The following TSPAN6 variants were observed in gnomAD, a reference collection of about 807,000 sequenced individuals.
TSPAN6 encodes the protein tetraspanin-6.
A neutral mutation model predicts 18.0 loss-of-function variants in TSPAN6; 13 were observed. The observed-to-expected ratio is 0.72, with a 90% confidence interval of 0.47 to 1.15. TSPAN6 has a LOEUF of 1.15. Among genes scored for constraint, TSPAN6 ranks in the 50% most tolerant of loss-of-function variants. The pLI, the probability that TSPAN6 is intolerant of heterozygous loss-of-function variation, is 0.00. For missense variants in TSPAN6, 186 were observed against 183.9 expected, an observed-to-expected ratio of 1.01 and a Z score of -0.07; for synonymous variants, 82 against 67.0, an observed-to-expected ratio of 1.22 and a Z score of -1.09.
chrX:100,630,139 T>A (rs1006551577), intron 7 of TSPAN6, among the ~76,000 whole-genome samples, 153 bp from the exon 8 acceptor site: 3 of 112,167 alleles, frequency 2.7e-5, no homozygotes, highest in African/African-American at 9.7e-5. Context: ...GCCCTAGGGA[T>A]CAATTCAGCC....
chrX:100,630,936 C>T, intron 6 of TSPAN6, 70 bp from the exon 7 acceptor site: 1 of 802,090 alleles, frequency 1.2e-6, no homozygotes, highest in Non-Finnish European at 1.9e-6. Flanking sequence ...CTATATTCTC[C>T]TCTCACTTGT....
intron 6 of TSPAN6, chrX:100,632,022 A>G (rs1304019163): frequency 7.6e-6 from 1 of 131,975 alleles, no homozygotes; most frequent in Non-Finnish European, 1.5e-5. Flanking sequence ...TTATACTGTG[A>G]CCAGTAACTG....
At position 100,628,893 on chromosome X, in the gene TSPAN6, C is replaced by T. The variant is rs1359442077; in HGVS notation, c.*1133G>A. ...TTAAACAAAAACATTTTTTTTAATA[C>T]AGAGTTAAGGCCGCAGGCTTATATT... On this transcript the variant is annotated 3_prime_UTR_variant, in exon 8 of 8. Coordinates refer to ENST00000373020, the MANE Select transcript of TSPAN6 (RefSeq NM_003270.4). The T allele has an allele frequency of 9.0e-6, 1 of 111,280 alleles. No homozygotes were observed. The highest frequency in any genetic ancestry group is 2.8e-4 in the East Asian group (1 of 3,564). 9.2% of individuals were successfully genotyped at this position (111,280 alleles called of 1,213,427 possible).
intron 6 of TSPAN6, among the ~76,000 whole-genome samples, chrX:100,631,106 GAAAATTCA>G (rs2083056498): frequency 8.9e-6 from 1 of 111,814 alleles, no homozygotes; most frequent in South Asian, 3.7e-4. Flanking sequence ...CTCACTCAAG[GAAAATTCA>G]GTCACGAGTT....
At chrX:100,637,013 C>G, upstream of TSPAN6, 1 of 82,427 alleles carries the variant, frequency 1.2e-5, no homozygotes, top group Non-Finnish European at 2.0e-5. Flanking sequence ...CGCCCCCCAC[C>G]CCTCCCCTCT....
upstream of TSPAN6, chrX:100,636,859 T>G (rs1037014033): frequency 2.7e-5 from 13 of 480,281 alleles, no homozygotes; most frequent in African/African-American, 1.3e-4. Context: ...TATGGGAGGC[T>G]GTCCGGAAAG....
Position 100,629,822 on chromosome X carries a change from T to C in TSPAN6, c.*204A>G, listed in dbSNP as rs937340876. 5 of 163,385 alleles carry C rather than the reference T, an allele frequency of 3.1e-5. No homozygotes were observed. Among genetic ancestry groups the C allele is most frequent in the African/African-American group, 1.3e-4 (4 of 31,707 alleles). The allele number at this position is 163,385 out of a possible 1,213,427, so 13.5% of individuals were successfully genotyped here. A position where few individuals can be genotyped will look rare whatever the true frequency, so the allele number is the denominator to read the frequency against. The stretch of plus-strand genomic sequence containing the variant: ...ATACATCTTGATTGAATCAGCCCAC[T>C]GCGAGCACGGATCTTGATTGAATCA... On this transcript the variant is annotated 3_prime_UTR_variant, in exon 8 of 8. Transcript: ENST00000373020.
At position 100,628,066 on chromosome X, in the gene TSPAN6, C is replaced by T. The variant is rs995539341; in HGVS notation, c.*1960G>A. On this transcript the variant is annotated 3_prime_UTR_variant, in exon 8 of 8. Transcript: ENST00000373020. ...ACCTCAGGTGATCCGCCCGCCTCAG[C>T]CTCTCAAAGTGCTGGGATTACAGAT... is the stretch of plus-strand genomic sequence containing the variant. The T allele has an allele frequency of 1.3e-4, 15 of 111,498 alleles. No individual in the cohort carries two copies. Among genetic ancestry groups the T allele is most frequent in the African/African-American group, 4.9e-4 (15 of 30,654 alleles). 9.2% of individuals were successfully genotyped at this position (111,498 alleles called of 1,213,427 possible). A position where few individuals can be genotyped will look rare whatever the true frequency, so the allele number is the denominator to read the frequency against.
chrX:100,631,782 A>G (rs753053713), intron 6 of TSPAN6, among the ~76,000 whole-genome samples: 1 of 112,293 alleles, frequency 8.9e-6, no homozygotes, highest in East Asian at 2.8e-4. Flanking sequence ...GAAAGTTGCC[A>G]TAACTAAGAG....
At chrX:100,634,141 T>C in intron 3 of TSPAN6, 112 bp from the exon 4 acceptor site, 1 of 482,728 alleles carries the variant, frequency 2.1e-6, no homozygotes, top group Non-Finnish European at 3.6e-6. Context: ...AGCAGCAACA[T>C]GTATAGTAAT....
intron 6 of TSPAN6, among the ~76,000 whole-genome samples, chrX:100,631,868 TTTC>T (rs752179027): frequency 1.8e-5 from 2 of 111,525 alleles, no homozygotes; most frequent in African/African-American, 6.5e-5. Context: ...TCTTACTTTT[TTTC>T]TTCTTTTTTT....
At position 100,633,468 on chromosome X, in the gene TSPAN6, A is replaced by T. The variant is rs915694579; in HGVS notation, c.522T>A (p.Pro174=). 1 of 1,205,839 alleles carries T rather than the reference A, an allele frequency of 8.3e-7. No individual in the cohort carries two copies. The highest frequency in any genetic ancestry group is 1.8e-5 in the African/African-American group (1 of 57,127). The part of the protein sequence containing the change: ...DTNYYSEKGF[P]KSCCKLEDCT... ...AATCTTCAAGTTTACAGCAACTCTT[A>T]GGAAATCCTTTTTCTGAGTAATAAT... The change falls in exon 5 of 8, where the codon CCT becomes CCA. Residue 174 remains proline (P), a synonymous_variant. Transcript: ENST00000373020.
At chrX:100,636,568 C>A in intron 1 of TSPAN6, 40 bp downstream of exon 1, 2 of 1,175,802 alleles carry the variant, frequency 1.7e-6, no homozygotes, top group Non-Finnish European at 2.3e-6. Context: ...AACTAAAAGC[C>A]CGGGATCCCC....
intron 1 of TSPAN6, chrX:100,636,326 A>C (rs949023709): frequency 1.1e-6 from 1 of 920,365 alleles, no homozygotes; most frequent in African/African-American, 2.0e-5. Context: ...TGGGGGCTTA[A>C]GGCCCCACCT....
intron 6 of TSPAN6, 69 bp from the exon 7 acceptor site, chrX:100,630,935 CCT>C: frequency 1.2e-6 from 1 of 807,552 alleles, no homozygotes; most frequent in Non-Finnish European, 1.8e-6. Context: ...ACTATATTCT[CCT>C]CTCACTTGTA....
intron 6 of TSPAN6, among the ~76,000 whole-genome samples, chrX:100,631,634 T>C (rs1048919110): frequency 9.0e-6 from 1 of 111,503 alleles, no homozygotes. Context: ...ATCTAAATTT[T>C]AATAGGTTGG....
In TSPAN6 at chrX:100,636,714, A is replaced by G. The variant is rs776353108; in HGVS notation, c.-20T>C. On this transcript the variant is annotated 5_prime_UTR_variant, in exon 1 of 8. Transcript: ENST00000373020. ...CGCCATGACTAGCCCGAGACCCTGC[A>G]CCACCGCACCGGGCGATTGGAACAC... The G allele has an allele frequency of 1.4e-5, 17 of 1,185,401 alleles. No individual in the cohort carries two copies. The highest frequency in any genetic ancestry group is 1.9e-5 in the Non-Finnish European group (17 of 882,952).
intron 3 of TSPAN6, among the ~76,000 whole-genome samples, chrX:100,634,967 A>T (rs1383930127): frequency 8.9e-6 from 1 of 112,539 alleles, no homozygotes; most frequent in Non-Finnish European, 1.9e-5. Context: ...GACAGGGAAT[A>T]TAAGTAAGTA....
chrX:100,631,015 A>C, intron 6 of TSPAN6, 149 bp from the exon 7 acceptor site: 2 of 407,127 alleles, frequency 4.9e-6, no homozygotes, highest in Admixed American at 4.1e-5. Context: ...CATCTAGATC[A>C]CATTCAAAGA....
Sources: gnomAD v4.1 joint callset for allele counts (sites outside exome capture counted in the v4.1 genomes callset) on GRCh38, gnomAD v4.1.1 for gene constraint, MANE v1.5 for transcripts, NCBI Gene and HGNC (gene_info 2026-07-23, HGNC 2026-07-21) for gene names.